The following RTN4 variants were observed in gnomAD, a reference collection of about 807,000 sequenced individuals.
The protein encoded by RTN4 is reticulon-4.
Under a neutral mutation model 90.4 loss-of-function variants are expected in RTN4, and 32 were observed. The observed-to-expected ratio is 0.35, with a 90% CI of 0.27 to 0.48. The LOEUF is 0.48. Among genes scored for constraint, RTN4 ranks in the 20% least tolerant of loss-of-function variants. The pLI, the probability that RTN4 is intolerant of heterozygous loss-of-function variation, is 0.99. For missense variants in RTN4, 1,706 were observed against 1,430.2 expected (o/e 1.19, Z -3.11); for synonymous variants, 629 against 552.5 (o/e 1.14, Z -1.94).
At chr2:55,126,238 G>A in the RTN4 span, among the ~76,000 whole-genome samples, 10 of 152,018 alleles carry the variant, frequency 6.6e-5, no homozygotes, top group Admixed American at 2.0e-4. Context: ...GTGTGGTGGC[G>A]CATGCCTGTA....
chr2:55,128,160 C>A, the RTN4 span, among the ~76,000 whole-genome samples: 1 of 152,186 alleles, frequency 6.6e-6, no homozygotes, highest in Middle Eastern at 3.4e-3. Flanking sequence ...ACTGTTTTTT[C>A]CACTACATGG....
At chr2:55,133,863 C>T in the RTN4 span, among the ~76,000 whole-genome samples, 460 of 152,088 alleles carry the variant, frequency 3.0e-3, 2 homozygotes, top group Middle Eastern at 0.014. Flanking sequence ...ACAGGAAGAG[C>T]GAGCCAAGAG....
intron 3 of RTN4, among the ~76,000 whole-genome samples, chr2:54,997,203 T>C (rs1408979324): frequency 6.6e-6 from 1 of 152,108 alleles, no homozygotes; most frequent in Non-Finnish European, 1.5e-5. Context: ...CAGATTTGAA[T>C]AGACATTTCT....
upstream of RTN4, among the ~76,000 whole-genome samples, chr2:55,114,056 G>GAAA (rs1462366384): frequency 6.6e-6 from 1 of 152,192 alleles, no homozygotes; most frequent in Admixed American, 6.5e-5. Flanking sequence ...TGTACTTGTT[G>GAAA]AAAGTTTTGT....
chr2:55,132,877 ACTCT>A, the RTN4 span, among the ~76,000 whole-genome samples: 1 of 137,526 alleles, frequency 7.3e-6, no homozygotes, highest in Non-Finnish European at 1.5e-5. Context: ...ATTAGTTCTC[ACTCT>A]CCAGTTTTGT....
chr2:55,114,987 T>G (rs1325584848), upstream of RTN4, among the ~76,000 whole-genome samples: 1 of 152,140 alleles, frequency 6.6e-6, no homozygotes, highest in Non-Finnish European at 1.5e-5. Flanking sequence ...GCTGACAGGT[T>G]TCATGTACTT....
the RTN4 span, among the ~76,000 whole-genome samples, chr2:55,126,781 C>A: frequency 6.6e-6 from 1 of 152,088 alleles, no homozygotes; most frequent in Admixed American, 6.5e-5. Context: ...AACCTAAATG[C>A]CCATCAGTGA....
Position 55,029,277 on chromosome 2 carries a change from A to C in RTN4, c.557-1057T>G, listed in dbSNP as rs139742635. On this transcript the variant is annotated intron_variant, in intron 1 of 8. Coordinates refer to ENST00000337526, the MANE Select transcript of RTN4 (RefSeq NM_020532.5). ...CCAGCCTCCAGAATTGTGAGAAGTA[A>C]ATTTCTGTTCAGCCACCCAGCCTAT... Among the ~76,000 whole-genome samples, 4 of 152,252 alleles carry C rather than the reference A, an allele frequency of 2.6e-5. No homozygotes were observed. In the East Asian group the frequency reaches 7.7e-4, roughly 29 times the overall value.
At position 55,106,868 on chromosome 2, in the gene RTN4, T is replaced by A. The variant is rs376781664; in HGVS notation, c.-214+5652A>T. Among the ~76,000 whole-genome samples the A allele has an allele frequency of 3.0e-4, 46 of 152,304 alleles. 1 individual carries two copies. The highest frequency in any genetic ancestry group is 1.1e-3 in the Admixed American group (17 of 15,302). ...TTATTTTTGTAAGCCTAAAAGTGAT[T>A]CTTTGAATGTTTAAAGAAAGTGAAC... On this transcript the variant is annotated intron_variant, in intron 1 of 3. Transcript: ENST00000427710.
At chr2:55,076,674 G>A (rs754691175) in intron 2 of RTN4, among the ~76,000 whole-genome samples, 5 of 152,120 alleles carry the variant, frequency 3.3e-5, no homozygotes, top group South Asian at 2.1e-4. Context: ...GATTACAGGC[G>A]AGAGCCACTG....
At chr2:55,097,923 T>C (rs981593900) in intron 1 of RTN4, among the ~76,000 whole-genome samples, 7 of 152,034 alleles carry the variant, frequency 4.6e-5, no homozygotes, top group African/African-American at 1.5e-4. Context: ...AAGAATGACA[T>C]ATGGAAGCCT....
chr2:55,125,960 C>CCGAG, the RTN4 span, among the ~76,000 whole-genome samples: 1 of 151,636 alleles, frequency 6.6e-6, no homozygotes, highest in Non-Finnish European at 1.5e-5. Context: ...ACTTGGGAGG[C>CCGAG]CGAGGCGGGA....
intron 1 of RTN4, among the ~76,000 whole-genome samples, chr2:55,090,974 T>G (rs1293937281): frequency 6.6e-6 from 1 of 152,082 alleles, no homozygotes; most frequent in African/African-American, 2.4e-5. Flanking sequence ...AAGTTGACAT[T>G]TTTCAACTTC....
chr2:55,007,622 T>C (rs957603392), intron 3 of RTN4, among the ~76,000 whole-genome samples: 2 of 152,088 alleles, frequency 1.3e-5, no homozygotes, highest in Non-Finnish European at 2.9e-5. Flanking sequence ...GTTTCCCGAA[T>C]TTGCCCAACA....
At chr2:55,057,919 G>T (rs1315962183) in intron 2 of RTN4, among the ~76,000 whole-genome samples, 2 of 152,160 alleles carry the variant, frequency 1.3e-5, no homozygotes, top group African/African-American at 2.4e-5. Context: ...GGAGGTCAAG[G>T]TTACAGTAAG....
intron 5 of RTN4, among the ~76,000 whole-genome samples, chr2:54,978,418 G>T (rs192387278): frequency 1.3e-3 from 157 of 122,746 alleles, no homozygotes; most frequent in African/African-American, 4.8e-3. Context: ...GTGACACAGC[G>T]AGACTCTATC....
At chr2:55,118,712 A>G in the RTN4 span, among the ~76,000 whole-genome samples, 2 of 152,186 alleles carry the variant, frequency 1.3e-5, no homozygotes, top group African/African-American at 2.4e-5. Flanking sequence ...GCAACCAGCC[A>G]TCAGTGCAGA....
intron 1 of RTN4, among the ~76,000 whole-genome samples, chr2:55,099,300 T>G (rs1011277390): frequency 1.3e-5 from 2 of 152,164 alleles, no homozygotes; most frequent in South Asian, 4.1e-4. Flanking sequence ...TATGGACTCA[T>G]AGATTTAAAC....
At chr2:55,073,500 T>C (rs962951967) in intron 2 of RTN4, among the ~76,000 whole-genome samples, 6 of 152,220 alleles carry the variant, frequency 3.9e-5, no homozygotes, top group Admixed American at 3.3e-4. Flanking sequence ...AGCAAGTTGG[T>C]ATACTTAAGG....
Sources: allele counts gnomAD v4.1 joint callset (sites outside exome capture counted in the v4.1 genomes callset), GRCh38; gene constraint gnomAD v4.1.1; transcripts MANE v1.5; gene names NCBI Gene and HGNC (gene_info 2026-07-23, HGNC 2026-07-21).